SH3BP2: variants seen among roughly 807,000 people sequenced by gnomAD.
SH3BP2 encodes the protein SH3 domain-binding protein 2.
A neutral mutation model predicts 56.2 loss-of-function variants in SH3BP2; 38 were observed. That is an observed-to-expected ratio of 0.68 (90% CI 0.52 to 0.89). The LOEUF (loss-of-function observed/expected upper bound fraction) is 0.89. SH3BP2 is among the 40% of genes least tolerant of loss of function. The pLI is 0.00. For missense variants in SH3BP2, 748 were observed against 762.6 expected (o/e 0.98, Z 0.23); for synonymous variants, 346 against 316.7 (o/e 1.09, Z -0.98).
Position 2,802,513 on chromosome 4 carries a change from T to G in SH3BP2, c.-5+9375T>G, listed in dbSNP as rs1467266277. On this transcript the variant is annotated intron_variant, in intron 1 of 12. Coordinates refer to ENST00000503393, the MANE Select transcript of SH3BP2 (RefSeq NM_001122681.2). ...GTATATGTATATATATGTTTGTATA[T>G]ATGTGTATATATATATGTATGTGTG... Among the ~76,000 whole-genome samples the G allele has an allele frequency of 3.7e-5, 4 of 108,840 alleles. No homozygotes were observed. In the Admixed American group the frequency reaches 4.3e-4, roughly 12 times the overall value. The allele number at this position is 108,840 out of a possible 152,430, so 71.4% of individuals were successfully genotyped here.
intron 1 of SH3BP2, chr4:2,818,177 C>A (rs1234673319): frequency 1.0e-6 from 1 of 984,178 alleles, no homozygotes; most frequent in Non-Finnish European, 1.2e-6. Flanking sequence ...CCCAGTCCCC[C>A]GCCGAGAGGG....
chr4:2,802,480 A>C (rs531208291), intron 1 of SH3BP2, among the ~76,000 whole-genome samples: 1 of 150,222 alleles, frequency 6.7e-6, no homozygotes, highest in Non-Finnish European at 1.5e-5. Context: ...GTATGTGTAT[A>C]TATATGTGTA....
intron 1 of SH3BP2, chr4:2,812,116 C>T (rs866436767): frequency 3.9e-6 from 5 of 1,275,336 alleles, no homozygotes; most frequent in Non-Finnish European, 4.1e-6. Context: ...AGGGCAGGAG[C>T]AGTGGAAGGT....
At chr4:2,803,553 A>G (rs1723400527) in intron 1 of SH3BP2, among the ~76,000 whole-genome samples, 1 of 152,190 alleles carries the variant, frequency 6.6e-6, no homozygotes, top group Admixed American at 6.5e-5. Flanking sequence ...TCTCCAGCTT[A>G]AGGGACCAAG....
chr4:2,802,249 T>C (rs1449950346), intron 1 of SH3BP2, among the ~76,000 whole-genome samples: 1 of 151,876 alleles, frequency 6.6e-6, no homozygotes, highest in Non-Finnish European at 1.5e-5. Context: ...AAATACAAAT[T>C]AGCTGGGTGT....
chr4:2,829,673 G>C lies in SH3BP2; in HGVS notation c.767G>C (p.Arg256Thr), dbSNP rs1724865621. ...DVGLAAEDSKRDPLCPRRAEP... is the reference protein window; with the variant it reads ...DVGLAAEDSKTDPLCPRRAEP... ...GGCCTGGCTGCTGAGGACTCCAAGA[G>C]GGACCCACTGTGCCCGAGGCGGGCT... Residue 256 changes from arginine to threonine, a missense_variant, in exon 8 of 13, where the codon AGG (arginine) becomes ACG (threonine). By Grantham distance (71) the Arg-to-Thr change is moderately conservative. This residue lies in a region of SH3BP2 where 635 missense variants were observed against 615.0 expected (regional missense o/e 1.03). Coordinates refer to ENST00000503393, the MANE Select transcript of SH3BP2 (RefSeq NM_001122681.2). This position sits in a 1 kb window ranked among gnomAD's most constrained non-coding sequence, Gnocchi z 4.9. The C allele has an allele frequency of 3.1e-6, 5 of 1,613,140 alleles. No homozygotes were observed. Among genetic ancestry groups the C allele is most frequent in the East Asian group, 2.2e-5 (1 of 44,856 alleles).
At chr4:2,801,601 C>A (rs540474669) in intron 1 of SH3BP2, among the ~76,000 whole-genome samples, 1 of 152,076 alleles carries the variant, frequency 6.6e-6, no homozygotes, top group Admixed American at 6.5e-5. Context: ...GCTGGCCTGT[C>A]GCCTTGAGCC....
rs770498637 is a variant in SH3BP2 at position 2,810,729 on chromosome 4, G to A, written c.-4-9885G>A. 6.6e-6 allele frequency among the ~76,000 whole-genome samples: 1 copy of A among 152,004 alleles called. No homozygotes were observed. The highest frequency in any genetic ancestry group is 2.4e-5 in the African/African-American group (1 of 41,378). On this transcript the variant is annotated intron_variant, in intron 1 of 12. Coordinates refer to ENST00000503393, the MANE Select transcript of SH3BP2 (RefSeq NM_001122681.2). This position sits in a 1 kb window ranked among gnomAD's most constrained non-coding sequence, Gnocchi z 4.2. ...AAGCTGGGCCCCTCCTCTGGGAGGC[G>A]TTCCCCAGTCCAGAACCCACAGGGC...
At chr4:2,828,581 G>A (rs1044357924) in intron 7 of SH3BP2, among the ~76,000 whole-genome samples, 1 of 152,130 alleles carries the variant, frequency 6.6e-6, no homozygotes, top group African/African-American at 2.4e-5. Flanking sequence ...ACACACTACT[G>A]CCTTCCGTCT....
At chr4:2,816,074 GA>G (rs1723981846) in intron 1 of SH3BP2, among the ~76,000 whole-genome samples, 1 of 150,460 alleles carries the variant, frequency 6.6e-6, no homozygotes, top group South Asian at 2.1e-4. Context: ...TTTTTTTTGA[GA>G]TGAAGTCTCA....
chr4:2,827,398 G>A, intron 6 of SH3BP2, 80 bp downstream of exon 6: 1 of 1,391,696 alleles, frequency 7.2e-7, no homozygotes. Context: ...GGAGAGGGAG[G>A]TGTGTTCGGC....
chr4:2,827,811 C>A, intron 7 of SH3BP2, 137 bp downstream of exon 7: 1 of 718,148 alleles, frequency 1.4e-6, no homozygotes, highest in South Asian at 1.6e-5. Context: ...TGCTGTGTCC[C>A]AAGTATTATG....
rs1577359757 is a variant in SH3BP2 at position 2,824,856 on chromosome 4, G to C, written c.357+126G>C. ...GCCTCTCAGCCCCGGGCAAAGAGAA[G>C]GTGTGGCTGGGACACAGGCAGCTGG... is the stretch of plus-strand genomic sequence containing the variant. On this transcript the variant is annotated intron_variant, in intron 4 of 12. Transcript: ENST00000503393. 1.4e-5 allele frequency: 11 copies of C among 783,378 alleles called. 1 individual carries two copies. In the South Asian group the frequency reaches 1.7e-4, roughly 12 times the overall value. 48.5% of individuals were successfully genotyped at this position (783,378 alleles called of 1,614,324 possible). A position where few individuals can be genotyped will look rare whatever the true frequency, so the allele number is the denominator to read the frequency against.
Position 2,824,749 on chromosome 4 carries a change from AC to A in SH3BP2, c.357+20del. On this transcript the variant is annotated intron_variant, in intron 4 of 12. Transcript: ENST00000503393. Reference sequence around the variant, plus strand: ...GCGCAAGGTGACTGGGGGTCCGAGGACGAGTGCAAGGTGACTGGGGGTGTGG... The same window carrying A: ...GCGCAAGGTGACTGGGGGTCCGAGGAGAGTGCAAGGTGACTGGGGGTGTGG... The A allele has an allele frequency of 1.3e-6, 2 of 1,569,054 alleles. No homozygotes were observed. Among genetic ancestry groups the A allele is most frequent in the Non-Finnish European group, 1.8e-6 (2 of 1,140,066 alleles).
rs1297111654 is a variant in SH3BP2, at chr4:2,841,086, A to G, written c.*7252A>G. Reference sequence around the variant, plus strand: ...TTAATGTAATTAAATCTACCATCTTATTTTATGCTACATATTGTCTCACTT... The same window carrying G: ...TTAATGTAATTAAATCTACCATCTTGTTTTATGCTACATATTGTCTCACTT... On this transcript the variant is annotated 3_prime_UTR_variant, in exon 13 of 13. Transcript: ENST00000503393. 2 of 151,762 alleles carry G rather than the reference A, an allele frequency of 1.3e-5. No individual in the cohort carries two copies. The highest frequency in any genetic ancestry group is 2.9e-5 in the Non-Finnish European group (2 of 67,954). 9.4% of individuals were successfully genotyped at this position (151,762 alleles called of 1,614,324 possible).
rs998560505 is a variant in SH3BP2 at position 2,810,233 on chromosome 4, G to A, written c.-4-10381G>A. ...GCTCCAGCTTCCCTCTGGGAAGATA[G>A]GGTTGGGGAAGGGGCTGGTGTGGAT... is the stretch of plus-strand genomic sequence containing the variant. On this transcript the variant is annotated intron_variant, in intron 1 of 12. Coordinates refer to ENST00000503393, the MANE Select transcript of SH3BP2 (RefSeq NM_001122681.2). This position sits in a 1 kb window ranked among gnomAD's most constrained non-coding sequence, Gnocchi z 4.2. 3.3e-5 allele frequency among the ~76,000 whole-genome samples: 5 copies of A among 152,042 alleles called. No homozygotes were observed. In the East Asian group the frequency reaches 9.7e-4, roughly 30 times the overall value.
chr4:2,798,882 C>T, intron 1 of SH3BP2: 1 of 764,362 alleles, frequency 1.3e-6, no homozygotes, highest in Non-Finnish European at 1.6e-6. Context: ...TCCGCCTTCT[C>T]TGGGCAGGGC....
At chr4:2,832,716 G>A (rs1359541531) in intron 11 of SH3BP2, among the ~76,000 whole-genome samples, 2 of 152,212 alleles carry the variant, frequency 1.3e-5, no homozygotes, top group South Asian at 2.1e-4. Context: ...GTGTCCCTCC[G>A]AGCGTGAAGT....
chr4:2,823,208 T>C (rs1240677694), intron 3 of SH3BP2, among the ~76,000 whole-genome samples, 171 bp downstream of exon 3: 1 of 152,044 alleles, frequency 6.6e-6, no homozygotes. Context: ...TGCCTCGCCC[T>C]CTCCGCGTGT....
Sources: allele counts gnomAD v4.1 joint callset (sites outside exome capture counted in the v4.1 genomes callset), GRCh38; gene constraint gnomAD v4.1.1; regional missense constraint gnomAD v4.1.1; non-coding constraint Gnocchi (gnomAD v3.1); transcripts MANE v1.5; gene names NCBI Gene and HGNC (gene_info 2026-07-23, HGNC 2026-07-21).